Variants in NCKAP5 observed in about 807,000 individuals in gnomAD.
NCKAP5 encodes the protein NCK associated protein 5.
NCKAP5 carries 92 observed loss-of-function variants against 167.0 expected under a neutral mutation model. The observed-to-expected ratio is 0.55, with a 90% CI of 0.47 to 0.66. NCKAP5 has a LOEUF of 0.66. Ranked by LOEUF, NCKAP5 falls within the 30% of genes least tolerant of loss-of-function variation. NCKAP5 has a pLI of 0.00. For missense variants in NCKAP5, 2,378 were observed against 2,315.0 expected (o/e 1.03, Z -0.56); for synonymous variants, 891 against 877.4 (o/e 1.02, Z -0.27).
At chr2:132,862,678 T>A (rs1222190163) in intron 10 of NCKAP5, among the ~76,000 whole-genome samples, 1 of 150,590 alleles carries the variant, frequency 6.6e-6, no homozygotes, top group African/African-American at 2.4e-5. Context: ...AAGAATCACT[T>A]GAACCCAGGA....
intron 2 of NCKAP5, among the ~76,000 whole-genome samples, chr2:133,539,026 C>T (rs1260977996): frequency 3.4e-5 from 5 of 149,196 alleles, no homozygotes; most frequent in Admixed American, 6.7e-5. Context: ...CTGCAAGCTC[C>T]GCCTCCCGGG....
At chr2:132,683,251 T>C (rs529929883) in intron 19 of NCKAP5, among the ~76,000 whole-genome samples, 1 of 119,952 alleles carries the variant, frequency 8.3e-6, no homozygotes, top group Admixed American at 8.3e-5. Flanking sequence ...GAGAGGGTAC[T>C]GCTTGAATAG....
intron 9 of NCKAP5, among the ~76,000 whole-genome samples, chr2:132,871,778 G>C (rs1690837585): frequency 6.9e-6 from 1 of 144,774 alleles, no homozygotes; most frequent in South Asian, 2.3e-4. Context: ...ATATTACCTA[G>C]AAGGACTCAC....
intron 8 of NCKAP5, among the ~76,000 whole-genome samples, chr2:132,932,420 A>G (rs556605814): frequency 6.6e-6 from 1 of 152,304 alleles, no homozygotes; most frequent in African/African-American, 2.4e-5. Flanking sequence ...AGTTAGAGAC[A>G]GGGAAAAAGT....
chr2:133,013,684 G>C (rs1245812246), intron 6 of NCKAP5, among the ~76,000 whole-genome samples: 5 of 152,152 alleles, frequency 3.3e-5, no homozygotes, highest in African/African-American at 1.2e-4. Flanking sequence ...GGTAGCATCA[G>C]CAAGCTCCTA....
intron 4 of NCKAP5, among the ~76,000 whole-genome samples, chr2:133,251,218 G>A (rs533872653): frequency 3.3e-5 from 5 of 152,198 alleles, no homozygotes; most frequent in Non-Finnish European, 7.3e-5. Flanking sequence ...GATGTGTGTA[G>A]GTTATATGCA....
At chr2:133,032,796 T>C (rs1444185194) in intron 6 of NCKAP5, among the ~76,000 whole-genome samples, 1 of 152,128 alleles carries the variant, frequency 6.6e-6, no homozygotes, top group Non-Finnish European at 1.5e-5. Flanking sequence ...AAAGCATGGT[T>C]GGGGAGGCCT....
At chr2:133,333,963 T>G (rs1683044731) in intron 3 of NCKAP5, 1 of 152,220 alleles carries the variant, frequency 6.6e-6, no homozygotes, top group South Asian at 2.1e-4. Context: ...GGGAGGACTT[T>G]GCAACCTCCT....
chr2:133,068,904 G>C (rs948577296), intron 6 of NCKAP5, among the ~76,000 whole-genome samples: 1 of 152,172 alleles, frequency 6.6e-6, no homozygotes, highest in Admixed American at 6.5e-5. Context: ...TCAAGCTAAA[G>C]AGCCAGTTAG....
chr2:133,617,307 A>G, the NCKAP5 span, among the ~76,000 whole-genome samples: 1 of 152,166 alleles, frequency 6.6e-6, no homozygotes, highest in East Asian at 1.9e-4. Flanking sequence ...GGCCAGGGCA[A>G]TTAGGCAGGA....
chr2:132,858,695 G>A (rs941287976), intron 11 of NCKAP5, among the ~76,000 whole-genome samples: 2 of 152,096 alleles, frequency 1.3e-5, no homozygotes, highest in African/African-American at 4.8e-5. Flanking sequence ...GCTCCTGGAG[G>A]GAGTACTATT....
Position 133,206,807 on chromosome 2 carries a change from C to G in NCKAP5, c.207+6909G>C, listed in dbSNP as rs185686889. On this transcript the variant is annotated intron_variant, in intron 5 of 19. Transcript: ENST00000409261. ...AATTCTCTTCCCAGCAAGGAATAACCCTGGGTAAGGAATGCATTCCTGGGG... is the reference window on the plus strand; with the variant it reads ...AATTCTCTTCCCAGCAAGGAATAACGCTGGGTAAGGAATGCATTCCTGGGG... Among the ~76,000 whole-genome samples the G allele has an allele frequency of 1.2e-3, 178 of 152,118 alleles. 1 individual carries two copies. The highest frequency in any genetic ancestry group is 3.8e-3 in the African/African-American group (156 of 41,496).
chr2:132,797,085 GA>G (rs1684668378), intron 11 of NCKAP5, among the ~76,000 whole-genome samples: 1 of 152,126 alleles, frequency 6.6e-6, no homozygotes, highest in Non-Finnish European at 1.5e-5. Context: ...TTCACATTAA[GA>G]AAACCAATCA....
At chr2:133,056,728 T>C (rs1390790937) in intron 6 of NCKAP5, among the ~76,000 whole-genome samples, 1 of 152,216 alleles carries the variant, frequency 6.6e-6, no homozygotes. Context: ...ACAAGTACTA[T>C]ATGGGAGTGC....
At chr2:132,984,854 T>G (rs1024365952) in intron 7 of NCKAP5, among the ~76,000 whole-genome samples, 1 of 151,002 alleles carries the variant, frequency 6.6e-6, no homozygotes, top group Admixed American at 6.7e-5. Context: ...GATTTTGCTC[T>G]GTTCAAATTC....
At chr2:133,598,970 A>G in the NCKAP5 span, among the ~76,000 whole-genome samples, 1 of 152,146 alleles carries the variant, frequency 6.6e-6, no homozygotes. Context: ...GCATCGTGCC[A>G]ATTTCTGCCT....
chr2:133,073,749 G>A (rs1416351383), intron 6 of NCKAP5, among the ~76,000 whole-genome samples: 1 of 152,124 alleles, frequency 6.6e-6, no homozygotes, highest in African/African-American at 2.4e-5. Context: ...TGTGAAACTT[G>A]ATCATCCATA....
intron 4 of NCKAP5, among the ~76,000 whole-genome samples, chr2:133,273,462 A>C (rs1383841092): frequency 6.6e-6 from 1 of 152,118 alleles, no homozygotes; most frequent in Non-Finnish European, 1.5e-5. Flanking sequence ...AGAAACTCTA[A>C]TAACCCATAT....
the NCKAP5 span, among the ~76,000 whole-genome samples, chr2:133,648,297 A>G: frequency 2.6e-5 from 4 of 152,164 alleles, no homozygotes; most frequent in African/African-American, 9.6e-5. Context: ...GAGAAATAGC[A>G]ACACAATAAT....
Sources: allele counts gnomAD v4.1 joint callset (sites outside exome capture counted in the v4.1 genomes callset), GRCh38; gene constraint gnomAD v4.1.1; transcripts MANE v1.5; gene names NCBI Gene and HGNC (gene_info 2026-07-23, HGNC 2026-07-21).